The following RUNX1 variants were observed in gnomAD, a reference collection of about 807,000 sequenced individuals.
The protein encoded by RUNX1 is RUNX family transcription factor 1, also known as runt-related transcription factor 1.
A neutral mutation model predicts 42.8 loss-of-function variants in RUNX1; 19 were observed. That is an observed-to-expected ratio of 0.44 (90% CI 0.31 to 0.65). The LOEUF is 0.65. Among genes scored for constraint, RUNX1 ranks in the 30% least tolerant of loss-of-function variants. RUNX1 has a pLI of 0.07. For synonymous variants in RUNX1, 271 were observed against 289.4 expected, an observed-to-expected ratio of 0.94 and a Z score of 0.64; for missense variants, 528 against 672.0, an observed-to-expected ratio of 0.79 and a Z score of 2.37.
chr21:34,988,057 C>A (rs2058905645), intron 2 of RUNX1, among the ~76,000 whole-genome samples: 1 of 152,142 alleles, frequency 6.6e-6, no homozygotes, highest in African/African-American at 2.4e-5. Flanking sequence ...TTTGTGAATT[C>A]ACTCTGTAAA....
intron 7 of RUNX1, among the ~76,000 whole-genome samples, chr21:34,802,435 A>G (rs889203989): frequency 6.6e-6 from 1 of 152,230 alleles, no homozygotes. Flanking sequence ...TTGGAAAGGC[A>G]TCTTCCTGTG....
chr21:34,821,270 T>C (rs186833451), intron 7 of RUNX1: 1 of 1,077,278 alleles, frequency 9.3e-7, no homozygotes, highest in East Asian at 5.1e-5. Context: ...AGCACATAAA[T>C]AGCAATAATA....
chr21:34,985,867 C>CTT (rs33913281), intron 2 of RUNX1, among the ~76,000 whole-genome samples: 76 of 75,442 alleles, frequency 1.0e-3, no homozygotes, highest in Middle Eastern at 7.7e-3. Flanking sequence ...TCTGACCAGA[C>CTT]TTTTTTTTTT....
At chr21:34,866,842 G>A (rs906580139) in intron 5 of RUNX1, among the ~76,000 whole-genome samples, 1 of 152,204 alleles carries the variant, frequency 6.6e-6, no homozygotes, top group African/African-American at 2.4e-5. Flanking sequence ...ATGCAGACTT[G>A]AGGCCTAAGC....
intron 5 of RUNX1, among the ~76,000 whole-genome samples, chr21:34,863,217 G>A (rs149290506): frequency 9.9e-5 from 15 of 152,236 alleles, no homozygotes; most frequent in African/African-American, 1.9e-4. Context: ...CTGTTCTTCC[G>A]GTTATTATCC....
intron 2 of RUNX1, among the ~76,000 whole-genome samples, chr21:34,950,378 AT>A (rs2058597746): frequency 6.6e-6 from 1 of 152,242 alleles, no homozygotes; most frequent in Non-Finnish European, 1.5e-5. Context: ...GATCTAGAGT[AT>A]AATGAACAAA....
chr21:34,958,554 A>G (rs113199001), intron 2 of RUNX1, among the ~76,000 whole-genome samples: 8,773 of 152,036 alleles, frequency 0.058, 835 homozygotes, highest in African/African-American at 0.2. Flanking sequence ...GAAACAACAG[A>G]TGCTGGAGAG....
rs2056422799 is a variant in RUNX1 at position 34,790,674 on chromosome 21, ATGT to A, written c.*1458_*1460del. The A allele has an allele frequency of 4.3e-6, 1 of 233,330 alleles. No homozygotes were observed. The highest frequency in any genetic ancestry group is 8.5e-6 in the Non-Finnish European group (1 of 118,082). 14.5% of individuals were successfully genotyped at this position (233,330 alleles called of 1,614,324 possible). A position where few individuals can be genotyped will look rare whatever the true frequency, so the allele number is the denominator to read the frequency against. ...TCAGCCTGGTGAAAGCAACACAAAG[ATGT>A]TGTTGAGTGAGCAGCACAGGACAGG... On this transcript the variant is annotated 3_prime_UTR_variant, in exon 9 of 9. Coordinates refer to ENST00000675419, the MANE Select transcript of RUNX1 (RefSeq NM_001754.5).
At chr21:34,830,162 C>G (rs2057043218) in intron 7 of RUNX1, among the ~76,000 whole-genome samples, 1 of 152,176 alleles carries the variant, frequency 6.6e-6, no homozygotes, top group Admixed American at 6.5e-5. Context: ...CAAAGTGAGG[C>G]ACGCATACTC....
intron 2 of RUNX1, among the ~76,000 whole-genome samples, chr21:34,932,734 T>C (rs2058457182): frequency 6.6e-6 from 1 of 152,128 alleles, no homozygotes; most frequent in African/African-American, 2.4e-5. Context: ...CCTGTTTGTT[T>C]CCCCACACTG....
intron 2 of RUNX1, 131 bp from the exon 3 acceptor site, chr21:34,893,094 C>A: frequency 4.5e-6 from 3 of 660,474 alleles, no homozygotes; most frequent in African/African-American, 1.8e-5. Context: ...AGCTTTGACA[C>A]AAAAATGACT....
intron 2 of RUNX1, among the ~76,000 whole-genome samples, chr21:35,007,349 A>C (rs1187033974): frequency 6.6e-6 from 1 of 152,078 alleles, no homozygotes; most frequent in Admixed American, 6.5e-5. Context: ...TGTGGCTGCC[A>C]CCACATTTTC....
chr21:34,847,295 G>A (rs1023880702), intron 6 of RUNX1, among the ~76,000 whole-genome samples: 12 of 152,030 alleles, frequency 7.9e-5, no homozygotes, highest in African/African-American at 2.4e-4. Flanking sequence ...TATGTGAATG[G>A]AAAAAGGTAA....
chr21:34,923,964 G>A (rs138491444), intron 2 of RUNX1, among the ~76,000 whole-genome samples: 1 of 152,216 alleles, frequency 6.6e-6, no homozygotes, highest in East Asian at 1.9e-4. Context: ...CTGGCCACTG[G>A]GCCCACTGTC....
At chr21:34,924,651 T>C (rs879522151) in intron 2 of RUNX1, among the ~76,000 whole-genome samples, 4 of 152,214 alleles carry the variant, frequency 2.6e-5, no homozygotes, top group Non-Finnish European at 5.9e-5. Context: ...GGGAGCCATT[T>C]GAAGGAGTAT....
At chr21:35,007,834 C>A (rs2059096559) in intron 2 of RUNX1, among the ~76,000 whole-genome samples, 1 of 152,166 alleles carries the variant, frequency 6.6e-6, no homozygotes, top group Admixed American at 6.5e-5. Flanking sequence ...CGATGAGATC[C>A]TTTTATAATC....
rs192046185 is a variant in RUNX1 at position 34,815,050 on chromosome 21, A to G, written c.806-15588T>C. On this transcript the variant is annotated intron_variant, in intron 7 of 8. Coordinates refer to ENST00000675419, the MANE Select transcript of RUNX1 (RefSeq NM_001754.5). The stretch of plus-strand genomic sequence containing the variant: ...GAAATGAACAACCTTTCCAAAAAAC[A>G]GGAACTTCCCGTCTTCTTTGAAAAA... Among the ~76,000 whole-genome samples, 400 of 152,254 alleles carry G rather than the reference A, an allele frequency of 2.6e-3. 2 individuals are homozygous for G. The highest frequency in any genetic ancestry group is 6.8e-3 in the Middle Eastern group (2 of 294).
In RUNX1 at chr21:34,849,473, A is replaced by C. The variant is rs1464558528; in HGVS notation, c.613+10001T>G. ...ATATTATAATATATAGTATATATATAATATATATTATATATATATATATTA... is the reference window on the plus strand; with the variant it reads ...ATATTATAATATATAGTATATATATCATATATATTATATATATATATATTA... On this transcript the variant is annotated intron_variant, in intron 6 of 8. Transcript: ENST00000675419. 1.0e-3 allele frequency among the ~76,000 whole-genome samples: 94 copies of C among 93,522 alleles called. 1 individual carries two copies. Among genetic ancestry groups the C allele is most frequent in the Non-Finnish European group, 1.3e-3 (64 of 50,008 alleles). 61.4% of individuals were successfully genotyped at this position (93,522 alleles called of 152,430 possible).
rs770447614 is a variant in RUNX1 at position 34,970,901 on chromosome 21, G to A, written c.59-77938C>T. On this transcript the variant is annotated intron_variant, in intron 2 of 8. Transcript: ENST00000675419. ...TTTCAAAATTAAAAGAAAAAAAAAG[G>A]TCTCCAGAGCTAGATAAGTTTGGAT... 7.9e-5 allele frequency among the ~76,000 whole-genome samples: 12 copies of A among 152,258 alleles called. No individual in the cohort carries two copies. The South Asian group carries it at 1.2e-3, about 16-fold the overall frequency.
Sources: allele counts gnomAD v4.1 joint callset (sites outside exome capture counted in the v4.1 genomes callset), GRCh38; gene constraint gnomAD v4.1.1; transcripts MANE v1.5; gene names NCBI Gene and HGNC (gene_info 2026-07-23, HGNC 2026-07-21).